Variants in GPM6A observed in about 807,000 individuals in gnomAD.
The protein encoded by GPM6A is glycoprotein M6A, also known as neuronal membrane glycoprotein M6-a.
Under a neutral mutation model 32.1 loss-of-function variants are expected in GPM6A, and 7 were observed. The observed-to-expected ratio is 0.22, with a 90% CI of 0.12 to 0.41. The LOEUF (loss-of-function observed/expected upper bound fraction) is 0.41. Ranked by LOEUF, GPM6A falls within the 10% of genes least tolerant of loss-of-function variation. The pLI is 1.00. For missense variants in GPM6A, 235 were observed against 347.2 expected (o/e 0.68, Z 2.57); for synonymous variants, 130 against 123.4 (o/e 1.05, Z -0.35).
chr4:175,999,368 A>C (rs1741406048), intron 1 of GPM6A, among the ~76,000 whole-genome samples: 1 of 152,178 alleles, frequency 6.6e-6, no homozygotes, highest in South Asian at 2.1e-4. Flanking sequence ...CAGTTTTTTT[A>C]GTATCAACTA....
chr4:175,912,590 G>A (rs1738357160), intron 1 of GPM6A, among the ~76,000 whole-genome samples: 1 of 152,156 alleles, frequency 6.6e-6, no homozygotes, highest in African/African-American at 2.4e-5. Context: ...GGGAGGCAGA[G>A]GTTGCAGTAA....
chr4:175,673,154 C>T (rs543195135), intron 3 of GPM6A, among the ~76,000 whole-genome samples: 6 of 152,118 alleles, frequency 3.9e-5, no homozygotes, highest in South Asian at 2.1e-4. Context: ...TAGATAGATA[C>T]GCATTGTCTG....
chr4:175,811,691 C>T (rs924419529), intron 1 of GPM6A, among the ~76,000 whole-genome samples: 13 of 152,126 alleles, frequency 8.5e-5, no homozygotes, highest in African/African-American at 3.1e-4. Flanking sequence ...ATTGCATCCT[C>T]GTTTTTAGTT....
intron 1 of GPM6A, among the ~76,000 whole-genome samples, chr4:175,952,863 T>C (rs915613598): frequency 4.0e-5 from 6 of 151,898 alleles, no homozygotes; most frequent in African/African-American, 9.7e-5. Flanking sequence ...CTGAGCAACA[T>C]GGCAAAACCC....
intron 1 of GPM6A, among the ~76,000 whole-genome samples, chr4:175,958,629 C>CT (rs987477258): frequency 6.6e-6 from 1 of 152,180 alleles, no homozygotes; most frequent in African/African-American, 2.4e-5. Context: ...CTGGAGAATG[C>CT]TTGCCTCTAG....
At position 175,973,818 on chromosome 4, in the gene GPM6A, C is replaced by A. The variant is rs575432510; in HGVS notation, c.-23+28491G>T. 3.9e-4 allele frequency among the ~76,000 whole-genome samples: 59 copies of A among 152,290 alleles called. 2 individuals carry two copies. The South Asian group carries it at 0.012, about 31-fold the overall frequency. On this transcript the variant is annotated intron_variant, in intron 1 of 7. Coordinates refer to the GPM6A transcript ENST00000280187. ...CTGGTACACATCTGCGCCACCGCCG[C>A]TTGTCTTATCCGCTTTTAATAAATT...
intron 1 of GPM6A, among the ~76,000 whole-genome samples, chr4:175,846,867 T>C (rs1325576461): frequency 6.6e-6 from 1 of 152,114 alleles, no homozygotes; most frequent in African/African-American, 2.4e-5. Flanking sequence ...GTGTATCTCA[T>C]TGTGACTTAG....
chr4:175,695,493 T>C (rs1014594594), intron 2 of GPM6A, among the ~76,000 whole-genome samples: 1 of 152,200 alleles, frequency 6.6e-6, no homozygotes, highest in African/African-American at 2.4e-5. Context: ...TTATGGAGCT[T>C]TAATATTTAA....
chr4:175,640,259 G>T, intron 5 of GPM6A, 65 bp from the exon 6 acceptor site: 2 of 1,253,912 alleles, frequency 1.6e-6, no homozygotes, highest in Non-Finnish European at 2.3e-6. Context: ...AGTCAAGATT[G>T]CTACTGTCTT....
intron 1 of GPM6A, among the ~76,000 whole-genome samples, chr4:175,780,389 T>C (rs974139960): frequency 2.6e-5 from 4 of 152,166 alleles, no homozygotes; most frequent in Non-Finnish European, 5.9e-5. Context: ...GAACTTCTGA[T>C]TTCTTGCTCT....
At chr4:175,769,280 G>A (rs1039804545) in intron 1 of GPM6A, among the ~76,000 whole-genome samples, 1 of 152,064 alleles carries the variant, frequency 6.6e-6, no homozygotes, top group Non-Finnish European at 1.5e-5. Context: ...ATGTGAATAT[G>A]GATAAACCAC....
chr4:175,676,245 C>T (rs2110992236), intron 2 of GPM6A, among the ~76,000 whole-genome samples: 1 of 152,268 alleles, frequency 6.6e-6, no homozygotes, highest in South Asian at 2.1e-4. Flanking sequence ...TCAGGTATGT[C>T]TTTTATAGCA....
chr4:175,724,053 G>A (rs1044688680), intron 1 of GPM6A, among the ~76,000 whole-genome samples: 3 of 152,058 alleles, frequency 2.0e-5, no homozygotes, highest in Non-Finnish European at 4.4e-5. Context: ...ACCAAGATAT[G>A]GGATTAATCA....
At chr4:175,838,142 C>T (rs1248206694) in intron 1 of GPM6A, among the ~76,000 whole-genome samples, 1 of 149,752 alleles carries the variant, frequency 6.7e-6, no homozygotes, top group African/African-American at 2.4e-5. Flanking sequence ...CACACACACG[C>T]ACCCCTGTAA....
intron 1 of GPM6A, among the ~76,000 whole-genome samples, chr4:175,871,609 T>G (rs73010145): frequency 0.06 from 9,158 of 152,272 alleles, 900 homozygotes; most frequent in African/African-American, 0.21. Context: ...ACCTTGATTC[T>G]CAAGTAATGA....
chr4:175,942,408 T>C (rs1328850262), intron 1 of GPM6A, among the ~76,000 whole-genome samples: 3 of 152,222 alleles, frequency 2.0e-5, no homozygotes, highest in Non-Finnish European at 2.9e-5. Context: ...GTTTTGGCTT[T>C]TGTTGCCATT....
In GPM6A at chr4:175,831,824, T is replaced by C. The variant is rs192524585; in HGVS notation, c.-22-19575A>G. On this transcript the variant is annotated intron_variant, in intron 1 of 7. Transcript: ENST00000280187. ...AGCTCCTCCTCCTGGGTTCAAGTGA[T>C]TCTCCTGCCTCAGCCTCCCGAGTAG... is the stretch of plus-strand genomic sequence containing the variant. Among the ~76,000 whole-genome samples, 532 of 147,064 alleles carry C rather than the reference T, an allele frequency of 3.6e-3. 1 individual carries two copies. Among genetic ancestry groups the C allele is most frequent in the African/African-American group, 0.012 (479 of 40,194 alleles).
At chr4:175,885,506 C>T (rs1579596933) in intron 1 of GPM6A, among the ~76,000 whole-genome samples, 2 of 152,236 alleles carry the variant, frequency 1.3e-5, no homozygotes, top group East Asian at 3.9e-4. Flanking sequence ...TGGAGCACAC[C>T]TGTAGTCTCA....
chr4:175,955,483 T>A (rs1739955693), intron 1 of GPM6A, among the ~76,000 whole-genome samples: 1 of 152,208 alleles, frequency 6.6e-6, no homozygotes, highest in South Asian at 2.1e-4. Context: ...ATGTAAAGCA[T>A]TAAAAATAGT....
Sources: gnomAD v4.1 joint callset for allele counts (sites outside exome capture counted in the v4.1 genomes callset) on GRCh38, gnomAD v4.1.1 for gene constraint, MANE v1.5 for transcripts, NCBI Gene and HGNC (gene_info 2026-07-23, HGNC 2026-07-21) for gene names.